Variants in GBE1 observed in about 807,000 individuals in gnomAD.
GBE1 encodes 1,4-alpha-glucan-branching enzyme.
In GBE1, 70 loss-of-function variants were observed where a neutral mutation model predicts 88.8. That is an observed-to-expected ratio of 0.79 (90% CI 0.65 to 0.96). GBE1 has a LOEUF of 0.96. GBE1 is among the 40% of genes least tolerant of loss of function. The pLI is 0.00. For synonymous variants in GBE1, 284 were observed against 300.1 expected (o/e 0.95, Z 0.56); for missense variants, 872 against 871.0 (o/e 1.00, Z -0.01).
chr3:81,519,520 T>G (rs1434243873), intron 14 of GBE1, among the ~76,000 whole-genome samples: 5 of 151,454 alleles, frequency 3.3e-5, no homozygotes, highest in Non-Finnish European at 7.4e-5. Flanking sequence ...ATTCTTGTGT[T>G]GTTTATGGTC....
chr3:81,588,780 T>C (rs1703834436), intron 9 of GBE1, among the ~76,000 whole-genome samples: 1 of 152,170 alleles, frequency 6.6e-6, no homozygotes, highest in South Asian at 2.1e-4. Flanking sequence ...TATAAACCTC[T>C]AATTTTAGTT....
At position 81,555,148 on chromosome 3, in the gene GBE1, G is replaced by C. The variant is rs1576147035; in HGVS notation, c.1619-18053C>G. Among the ~76,000 whole-genome samples, 3 of 152,206 alleles carry C rather than the reference G, an allele frequency of 2.0e-5. No homozygotes were observed. The East Asian group carries it at 5.8e-4, about 29-fold the overall frequency. Reference sequence around the variant, plus strand: ...TTGCTTGCTTCAGCTCTCTCGCTTTGCTCTGGGTAATGCTGATTTTGATTT... The same window carrying C: ...TTGCTTGCTTCAGCTCTCTCGCTTTCCTCTGGGTAATGCTGATTTTGATTT... On this transcript the variant is annotated intron_variant, in intron 12 of 15. Coordinates refer to ENST00000429644, the MANE Select transcript of GBE1 (RefSeq NM_000158.4).
intron 13 of GBE1, 150 bp from the exon 14 acceptor site, chr3:81,535,475 T>C: frequency 1.3e-6 from 1 of 774,620 alleles, no homozygotes; most frequent in East Asian, 2.9e-5. Flanking sequence ...ACAATTTTGC[T>C]GTACCTAACT....
intron 14 of GBE1, among the ~76,000 whole-genome samples, chr3:81,514,972 T>C (rs1232876922): frequency 6.6e-6 from 1 of 151,542 alleles, no homozygotes; most frequent in Non-Finnish European, 1.5e-5. Context: ...GTATCAGGTA[T>C]AAAGATGACT....
chr3:81,586,187 CA>C lies in GBE1; in HGVS notation c.1239del (p.Asp413GlufsTer23), dbSNP rs758504480. On this transcript the variant is annotated frameshift_variant and splice_region_variant, in exon 10 of 16. Transcript: ENST00000429644. LOFTEE classifies it high-confidence loss of function. ...GAGCACAGAGCTGGCATTCCTGATA[CA>C]TCCTACAACAAAGAACGTCGGTTCA... The part of the protein sequence containing the change: ...LCPDSITIAE[D>X]VSGMPALCSP... 9 of 1,592,264 alleles carry C rather than the reference CA, an allele frequency of 5.7e-6. No homozygotes were observed. In the Admixed American group the frequency reaches 8.8e-5, roughly 16 times the overall value.
At chr3:81,557,682 G>A (rs1264581092) in intron 12 of GBE1, among the ~76,000 whole-genome samples, 5 of 152,066 alleles carry the variant, frequency 3.3e-5, no homozygotes, top group Non-Finnish European at 7.4e-5. Context: ...TGGATTTTGA[G>A]ATAATGATAT....
intron 7 of GBE1, among the ~76,000 whole-genome samples, chr3:81,599,786 C>T (rs1362373443): frequency 2.0e-5 from 3 of 152,066 alleles, no homozygotes; most frequent in Non-Finnish European, 4.4e-5. Context: ...AAGCTAATGA[C>T]TAGTTCAAAT....
At chr3:81,505,745 G>T (rs913502223) in intron 14 of GBE1, among the ~76,000 whole-genome samples, 3 of 151,926 alleles carry the variant, frequency 2.0e-5, no homozygotes, top group Admixed American at 6.6e-5. Context: ...GTGGTCGGGG[G>T]GTGTGTGTCT....
intron 12 of GBE1, among the ~76,000 whole-genome samples, chr3:81,539,013 T>C (rs954574089): frequency 2.0e-5 from 3 of 152,070 alleles, no homozygotes; most frequent in African/African-American, 7.2e-5. Context: ...TTTCTGTTTA[T>C]TATGTGCCAG....
intron 1 of GBE1, 24 bp downstream of exon 1, chr3:81,761,351 G>C (rs373315595): frequency 4.4e-6 from 7 of 1,598,222 alleles, no homozygotes; most frequent in African/African-American, 4.1e-5. Context: ...TGTCTAAGTG[G>C]GGGTGGTGGG....
intron 1 of GBE1, among the ~76,000 whole-genome samples, chr3:81,720,497 A>G (rs1193497059): frequency 1.3e-5 from 2 of 152,010 alleles, no homozygotes; most frequent in African/African-American, 4.8e-5. Context: ...CATTGTGTGC[A>G]TGTCTCAATT....
In GBE1 at chr3:81,642,958, A is replaced by G; in HGVS notation, c.815T>C (p.Leu272Pro). The G allele has an allele frequency of 6.2e-7, 1 of 1,612,144 alleles. No homozygotes were observed. Among genetic ancestry groups the G allele is most frequent in the African/African-American group, 1.3e-5 (1 of 75,006 alleles). ...ACCCATGGAATGAGCTGTGTCTACC[A>G]GTTCTTGTAGCTCTTCAGGTGTTCC... is the stretch of plus-strand genomic sequence containing the variant. ...RYGTPEELQE[L>P]VDTAHSMGII... is the part of the protein sequence containing the mutation. The change falls in exon 7 of 16, where the codon CTG becomes CCG. Residue 272 changes from leucine (L) to proline (P), a missense_variant. By Grantham distance (98) the Leu-to-Pro change is moderately conservative (BLOSUM62 -3). Coordinates refer to ENST00000429644, the MANE Select transcript of GBE1 (RefSeq NM_000158.4).
At chr3:81,666,526 C>T (rs1475397274) in intron 3 of GBE1, among the ~76,000 whole-genome samples, 1 of 152,096 alleles carries the variant, frequency 6.6e-6, no homozygotes. Context: ...AAGAAATATA[C>T]ATGTGCATAT....
At chr3:81,692,088 A>C (rs899448068) in intron 2 of GBE1, among the ~76,000 whole-genome samples, 7 of 152,180 alleles carry the variant, frequency 4.6e-5, no homozygotes, top group Non-Finnish European at 8.8e-5. Context: ...TCTTACAACA[A>C]GGGACACTCA....
At chr3:81,607,378 A>T (rs1199425303) in intron 7 of GBE1, among the ~76,000 whole-genome samples, 1 of 151,930 alleles carries the variant, frequency 6.6e-6, no homozygotes, top group Non-Finnish European at 1.5e-5. Flanking sequence ...GTGAAACCCC[A>T]TCTCTACTAA....
chr3:81,595,447 T>C (rs930616321), intron 7 of GBE1, among the ~76,000 whole-genome samples: 1 of 151,912 alleles, frequency 6.6e-6, no homozygotes, highest in African/African-American at 2.4e-5. Flanking sequence ...GAAAGGAAGA[T>C]ACAGAGAGTT....
chr3:81,717,931 A>G (rs1240004464), intron 1 of GBE1, among the ~76,000 whole-genome samples: 1 of 151,684 alleles, frequency 6.6e-6, no homozygotes, highest in East Asian at 1.9e-4. Context: ...CACTTATGAA[A>G]TATAAAAGAC....
intron 1 of GBE1, among the ~76,000 whole-genome samples, chr3:81,747,110 T>G (rs1054861330): frequency 1.3e-5 from 2 of 151,836 alleles, no homozygotes; most frequent in Admixed American, 6.6e-5. Flanking sequence ...CAGACTTAAA[T>G]GTAATATGTA....
At chr3:81,741,094 A>C (rs75186162) in intron 1 of GBE1, among the ~76,000 whole-genome samples, 5 of 152,222 alleles carry the variant, frequency 3.3e-5, no homozygotes, top group Admixed American at 3.3e-4. Context: ...AAAAACCAAA[A>C]TAAAATTAAA....
Sources: allele counts gnomAD v4.1 joint callset (sites outside exome capture counted in the v4.1 genomes callset), GRCh38; gene constraint gnomAD v4.1.1; transcripts MANE v1.5; gene names NCBI Gene and HGNC (gene_info 2026-07-23, HGNC 2026-07-21).